Variants in EVC observed in about 807,000 individuals in gnomAD.
The protein encoded by EVC is EvC ciliary complex subunit 1, also known as evC complex member EVC.
EVC carries 116 observed loss-of-function variants against 118.9 expected under a neutral mutation model. The observed-to-expected ratio is 0.98, with a 90% CI of 0.84 to 1.14. The LOEUF (loss-of-function observed/expected upper bound fraction) is 1.14. Among genes scored for constraint, EVC ranks in the 50% most tolerant of loss-of-function variants. The pLI, the probability that EVC is intolerant of heterozygous loss-of-function variation, is 0.00. For missense variants in EVC, 1,401 were observed against 1,246.4 expected (o/e 1.12, Z -1.87); for synonymous variants, 619 against 534.7 (o/e 1.16, Z -2.18).
chr4:5,750,914 T>C (rs1445102896), intron 8 of EVC, among the ~76,000 whole-genome samples: 1 of 151,650 alleles, frequency 6.6e-6, no homozygotes, highest in Non-Finnish European at 1.5e-5. Context: ...CACAGAAGAG[T>C]TGGAATTCCC....
chr4:5,749,731 A>G lies in EVC; in HGVS notation c.1098+1425A>G, dbSNP rs1297747152. Among the ~76,000 whole-genome samples, 1 of 152,140 alleles carries G rather than the reference A, an allele frequency of 6.6e-6. No homozygotes were observed. On this transcript the variant is annotated intron_variant, in intron 8 of 20. Transcript: ENST00000264956. This position sits in a 1 kb window ranked among gnomAD's most constrained non-coding sequence, Gnocchi z 4.4. Reference sequence around the variant, plus strand: ...CTGCACCCATTTCCCCGTCCTGTGCACCAGCCCGTGTGGCAGCTCGGCTCA... The same window carrying G: ...CTGCACCCATTTCCCCGTCCTGTGCGCCAGCCCGTGTGGCAGCTCGGCTCA...
chr4:5,811,163 A>C lies in EVC; in HGVS notation c.*126A>C, dbSNP rs1716860774. 3 of 756,684 alleles carry C rather than the reference A, an allele frequency of 4.0e-6. No individual in the cohort carries two copies. Among genetic ancestry groups the C allele is most frequent in the Admixed American group, 4.3e-5 (2 of 46,724 alleles). 46.9% of individuals were successfully genotyped at this position (756,684 alleles called of 1,614,324 possible). On this transcript the variant is annotated 3_prime_UTR_variant, in exon 21 of 21. Coordinates refer to ENST00000264956, the MANE Select transcript of EVC (RefSeq NM_153717.3). ...AGCGGCATCTCTAGGCTCTTCTGAG[A>C]GGGACAGAGAAAGAATAGAAATGTG...
chr4:5,811,532 C>G lies in EVC; in HGVS notation c.*495C>G, dbSNP rs1055575155. On this transcript the variant is annotated 3_prime_UTR_variant, in exon 21 of 21. Coordinates refer to ENST00000264956, the MANE Select transcript of EVC (RefSeq NM_153717.3). Reference sequence around the variant, plus strand: ...CACCTGGGGAGGGGCTTCTTCCGGACAGTAGACACCCTGCCCGTGCAGAGA... The same window carrying G: ...CACCTGGGGAGGGGCTTCTTCCGGAGAGTAGACACCCTGCCCGTGCAGAGA... 24 of 200,112 alleles carry G rather than the reference C, an allele frequency of 1.2e-4. No individual in the cohort carries two copies. Among genetic ancestry groups the G allele is most frequent in the African/African-American group, 3.5e-4 (15 of 42,322 alleles). The allele number at this position is 200,112 out of a possible 1,614,324, so 12.4% of individuals were successfully genotyped here. A position where few individuals can be genotyped will look rare whatever the true frequency, so the allele number is the denominator to read the frequency against.
downstream of EVC, among the ~76,000 whole-genome samples, chr4:5,815,711 C>T (rs1427705536): frequency 1.3e-5 from 2 of 152,192 alleles, no homozygotes; most frequent in Admixed American, 6.5e-5. Flanking sequence ...GGATTATTCT[C>T]CCCTAAATGT....
At chr4:5,721,382 C>G (rs1335173211) in intron 2 of EVC, among the ~76,000 whole-genome samples, 1 of 152,110 alleles carries the variant, frequency 6.6e-6, no homozygotes, top group African/African-American at 2.4e-5. Context: ...AGAAAACATG[C>G]TAAATGAAAG....
intron 1 of EVC, among the ~76,000 whole-genome samples, chr4:5,715,418 A>G (rs561588807): frequency 6.6e-6 from 1 of 152,186 alleles, no homozygotes; most frequent in Non-Finnish European, 1.5e-5. Flanking sequence ...TGAGTCCAGC[A>G]AGCTGTGTTT....
intron 11 of EVC, chr4:5,758,357 G>C (rs1329570744): frequency 3.8e-6 from 2 of 524,708 alleles, no homozygotes; most frequent in Admixed American, 3.4e-5. Context: ...AAACTAAACG[G>C]AAGGCGATCT....
At chr4:5,805,406 G>A (rs1177367468) in intron 17 of EVC, among the ~76,000 whole-genome samples, 8 of 152,176 alleles carry the variant, frequency 5.3e-5, no homozygotes, top group Admixed American at 1.3e-4. Context: ...GGGGCCCGCC[G>A]ACCGGGCTGT....
downstream of EVC, among the ~76,000 whole-genome samples, chr4:5,817,662 G>A (rs1377179152): frequency 2.0e-5 from 3 of 152,176 alleles, no homozygotes. Context: ...TTAGGCAAAT[G>A]ACACTGTCAA....
At chr4:5,740,570 C>A (rs1373393067) in intron 5 of EVC, among the ~76,000 whole-genome samples, 1 of 151,494 alleles carries the variant, frequency 6.6e-6, no homozygotes, top group Non-Finnish European at 1.5e-5. Flanking sequence ...AAGCATGACA[C>A]ACAGAAGGAA....
intron 17 of EVC, among the ~76,000 whole-genome samples, chr4:5,807,590 G>T (rs1269198826): frequency 6.6e-6 from 1 of 152,206 alleles, no homozygotes; most frequent in East Asian, 1.9e-4. Context: ...TCCAGAGAGG[G>T]AGGTGGGCCC....
rs756674302 is a variant in EVC at position 5,783,635 on chromosome 4, C to A, written c.1647C>A (p.Leu549=). The change falls in exon 12 of 21, where the codon CTC becomes CTA. Residue 549 remains leucine (L), a synonymous_variant. Coordinates refer to ENST00000264956, the MANE Select transcript of EVC (RefSeq NM_153717.3). ...AGACGCTCCCTGGCATGACTGGCCT[C>A]CCCCCGGAAGAGTGTGACTACTTGA... is the stretch of plus-strand genomic sequence containing the variant. ...FLQTLPGMTG[L]PPEECDYLRQ... is the part of the protein sequence containing the mutation. The A allele has an allele frequency of 1.2e-6, 2 of 1,614,118 alleles. No individual in the cohort carries two copies. The highest frequency in any genetic ancestry group is 1.7e-6 in the Non-Finnish European group (2 of 1,179,998).
intron 1 of EVC, 38 bp downstream of exon 1, chr4:5,711,592 G>A: frequency 1.7e-6 from 2 of 1,166,400 alleles, no homozygotes; most frequent in African/African-American, 1.6e-5. Flanking sequence ...GGCGGGGAGC[G>A]CGGGGCGCGT....
chr4:5,771,741 T>C (rs1318224719), intron 11 of EVC, among the ~76,000 whole-genome samples: 2 of 152,202 alleles, frequency 1.3e-5, no homozygotes, highest in African/African-American at 4.8e-5. Flanking sequence ...CCATGGGCGC[T>C]GCAGAGTGCA....
At chr4:5,733,201 T>C in intron 4 of EVC, 150 bp from the exon 5 acceptor site, 1 of 733,018 alleles carries the variant, frequency 1.4e-6, no homozygotes, top group East Asian at 2.6e-5. Context: ...CTTATAAACC[T>C]GGAGTGAGCG....
rs549251750 is a variant in EVC at position 5,756,338 on chromosome 4, C to T, written c.1539C>T (p.Thr513=). ...DLEEEENVRA[T]EAVVALCQEL... is the part of the protein sequence containing the mutation. ...AGGAAGAGGAGAATGTCAGAGCCAC[C>T]GAGGCTGTGGTTGCACTCTGCCAGG... The change falls in exon 11 of 21, where the codon ACC becomes ACT. Residue 513 remains threonine (T), a synonymous_variant. Transcript: ENST00000264956. This position sits in a 1 kb window ranked among gnomAD's most constrained non-coding sequence, Gnocchi z 4.2. The T allele has an allele frequency of 1.1e-5, 18 of 1,611,360 alleles. No individual in the cohort carries two copies. Among genetic ancestry groups the T allele is most frequent in the South Asian group, 3.3e-5 (3 of 89,924 alleles).
rs920330137 is a variant in EVC, at chr4:5,756,222, C to G, written c.1465-42C>G. The G allele has an allele frequency of 2.1e-6, 3 of 1,463,010 alleles. No homozygotes were observed. In the African/African-American group the frequency reaches 4.2e-5, roughly 20 times the overall value. The allele number at this position is 1,463,010 out of a possible 1,614,324, so 90.6% of individuals were successfully genotyped here. ...ACCTTCTGGAAAAAAAAAAAAAAAC[C>G]CTGCATGTTTCTACCAGACTCAGCT... On this transcript the variant is annotated intron_variant, in intron 10 of 20. Transcript: ENST00000264956. The surrounding 1 kb of genome is among the most constrained non-coding windows in gnomAD (Gnocchi z 4.2).
At chr4:5,741,934 T>C (rs1002436618) in intron 6 of EVC, 120 bp downstream of exon 6, 21 of 568,036 alleles carry the variant, frequency 3.7e-5, no homozygotes, top group Admixed American at 1.3e-4. Flanking sequence ...TATATACTTT[T>C]CAACACAGTA....
At chr4:5,801,082 T>C (rs1266405607) in intron 15 of EVC, among the ~76,000 whole-genome samples, 12 of 152,218 alleles carry the variant, frequency 7.9e-5, no homozygotes, top group Non-Finnish European at 1.5e-5. Context: ...TCCTGTCTTT[T>C]CTACTTTGGT....
Sources: gnomAD v4.1 joint callset for allele counts (sites outside exome capture counted in the v4.1 genomes callset) on GRCh38, gnomAD v4.1.1 for gene constraint, Gnocchi (gnomAD v3.1) non-coding constraint, MANE v1.5 for transcripts, NCBI Gene and HGNC (gene_info 2026-07-23, HGNC 2026-07-21) for gene names.